The following FBXO34 variants were observed in gnomAD, a reference collection of about 807,000 sequenced individuals.
FBXO34 encodes F-box protein 34, also known as F-box only protein 34.
Under a neutral mutation model 24.5 loss-of-function variants are expected in FBXO34, and 12 were observed. The observed-to-expected ratio is 0.49, with a 90% CI of 0.31 to 0.79. The LOEUF is 0.79. Among genes scored for constraint, FBXO34 ranks in the 30% least tolerant of loss-of-function variants. The pLI is 0.04. For synonymous variants in FBXO34, 320 were observed against 311.9 expected, an observed-to-expected ratio of 1.03 and a Z score of -0.27; for missense variants, 823 against 857.7, an observed-to-expected ratio of 0.96 and a Z score of 0.51.
At chr14:55,299,193 T>G in intron 1 of FBXO34, 1 of 977,852 alleles carries the variant, frequency 1.0e-6, no homozygotes, top group Non-Finnish European at 1.7e-6. Flanking sequence ...AAATGTTCCC[T>G]CTATAGCCCT....
intron 1 of FBXO34, chr14:55,299,306 A>G (rs1882258574): frequency 1.5e-6 from 1 of 646,030 alleles, no homozygotes; most frequent in East Asian, 2.8e-5. Context: ...GGCAGGTTCC[A>G]TCGCTCTCGA....
chr14:55,411,581 G>A, the FBXO34 span: 9 of 1,589,808 alleles, frequency 5.7e-6, no homozygotes, highest in South Asian at 4.5e-5. Context: ...AGAAACAATA[G>A]GGCCGTGGCG....
chr14:55,385,371 C>T, the FBXO34 span, among the ~76,000 whole-genome samples: 4 of 152,154 alleles, frequency 2.6e-5, no homozygotes, highest in South Asian at 2.1e-4. Context: ...TGGCTCACTG[C>T]GACCTCGGCC....
At chr14:55,400,686 T>G in the FBXO34 span, among the ~76,000 whole-genome samples, 1 of 152,136 alleles carries the variant, frequency 6.6e-6, no homozygotes, top group Non-Finnish European at 1.5e-5. Context: ...GTGGATCACC[T>G]GAGGTCAGGA....
chr14:55,331,614 AAT>A (rs1883538787), intron 1 of FBXO34, among the ~76,000 whole-genome samples: 1 of 139,428 alleles, frequency 7.2e-6, no homozygotes, highest in African/African-American at 2.6e-5. Flanking sequence ...AAAAATATAA[AAT>A]ATATAAAAAT....
intron 1 of FBXO34, among the ~76,000 whole-genome samples, chr14:55,281,814 C>T (rs933482742): frequency 6.6e-6 from 1 of 152,038 alleles, no homozygotes; most frequent in Non-Finnish European, 1.5e-5. Context: ...GTGTAATGAG[C>T]CTTATCTCCC....
the FBXO34 span, chr14:55,433,780 G>GA: frequency 6.8e-7 from 1 of 1,478,550 alleles, no homozygotes; most frequent in African/African-American, 1.4e-5. Flanking sequence ...TATCCCAGTT[G>GA]AAAAAGCCGA....
the FBXO34 span, among the ~76,000 whole-genome samples, chr14:55,433,142 T>A: frequency 8.6e-5 from 13 of 152,042 alleles, no homozygotes; most frequent in African/African-American, 2.9e-4. Flanking sequence ...TTATTTTTTT[T>A]AATAGAGACA....
rs1883613057 is a variant in FBXO34 at position 55,332,081 on chromosome 14, T to TAA, written c.-10-18298_-10-18297dup. 1.9e-4 allele frequency among the ~76,000 whole-genome samples: 18 copies of TAA among 95,754 alleles called. 3 individuals carry two copies. Among genetic ancestry groups the TAA allele is most frequent in the African/African-American group, 1.3e-3 (18 of 14,034 alleles). The allele number at this position is 95,754 out of a possible 152,430, so 62.8% of individuals were successfully genotyped here. On this transcript the variant is annotated intron_variant, in intron 1 of 1. Transcript: ENST00000313833. ...ATATATACCACCGTGGTGGTATGTA[T>TAA]AAATATATATATATATTTAAATATA... is the stretch of plus-strand genomic sequence containing the variant.
At chr14:55,440,349 C>G in the FBXO34 span, 1 of 1,609,410 alleles carries the variant, frequency 6.2e-7, no homozygotes, top group African/African-American at 1.3e-5. Context: ...GGCACAGGAC[C>G]GGGCGGGACT....
At chr14:55,303,122 A>C (rs1468362693) in intron 1 of FBXO34, among the ~76,000 whole-genome samples, 1 of 131,972 alleles carries the variant, frequency 7.6e-6, no homozygotes, top group Non-Finnish European at 1.7e-5. Context: ...ATTTCTCTTT[A>C]CAGGCCTTTT....
the FBXO34 span, chr14:55,381,952 T>G: frequency 6.2e-7 from 1 of 1,605,760 alleles, no homozygotes; most frequent in Non-Finnish European, 8.5e-7. Context: ...AAGGATATGC[T>G]GCTTCTCACC....
At chr14:55,305,599 A>C (rs1161922932) in intron 1 of FBXO34, among the ~76,000 whole-genome samples, 2 of 150,050 alleles carry the variant, frequency 1.3e-5, no homozygotes, top group African/African-American at 4.9e-5. Context: ...CGGGAGGCTG[A>C]GGCAGAATAG....
At chr14:55,432,238 G>A in the FBXO34 span, among the ~76,000 whole-genome samples, 2 of 119,928 alleles carry the variant, frequency 1.7e-5, no homozygotes, top group Admixed American at 9.5e-5. Context: ...GGAAACCCCC[G>A]TCTCTACAAA....
At chr14:55,368,315 GT>G (rs1884730482), downstream of FBXO34, 1 of 152,424 alleles carries the variant, frequency 6.6e-6, no homozygotes, top group South Asian at 2.1e-4. Context: ...CTGCCTCCCG[GT>G]TCAAGCGATT....
At chr14:55,365,941 T>G (rs546836606), downstream of FBXO34, among the ~76,000 whole-genome samples, 4 of 152,192 alleles carry the variant, frequency 2.6e-5, no homozygotes, top group South Asian at 8.3e-4. Context: ...TGGGAGAAAT[T>G]AGTTATAAAA....
intron 1 of FBXO34, among the ~76,000 whole-genome samples, chr14:55,334,453 C>G (rs910426820): frequency 2.7e-5 from 4 of 150,226 alleles, no homozygotes; most frequent in Non-Finnish European, 4.4e-5. Flanking sequence ...TGGGAAGTGT[C>G]CCAGGGTAGA....
chr14:55,427,795 T>C, the FBXO34 span, among the ~76,000 whole-genome samples: 1 of 151,498 alleles, frequency 6.6e-6, no homozygotes, highest in Middle Eastern at 3.5e-3. Flanking sequence ...AAAAGGAATA[T>C]ACTACAGGCA....
chr14:55,432,861 G>A, the FBXO34 span, among the ~76,000 whole-genome samples: 1 of 152,276 alleles, frequency 6.6e-6, no homozygotes, highest in Admixed American at 6.5e-5. Context: ...TCCTCTGCGT[G>A]AGATCCAGGA....
Sources: allele counts gnomAD v4.1 joint callset (sites outside exome capture counted in the v4.1 genomes callset), GRCh38; gene constraint gnomAD v4.1.1; transcripts MANE v1.5; gene names NCBI Gene and HGNC (gene_info 2026-07-23, HGNC 2026-07-21).